Variants in DLC1 observed in about 807,000 individuals in gnomAD.
DLC1 encodes rho GTPase-activating protein 7.
DLC1 carries 54 observed loss-of-function variants against 140.3 expected under a neutral mutation model. The observed-to-expected ratio is 0.38, with a 90% CI of 0.31 to 0.48. DLC1 has a LOEUF of 0.48. Ranked by LOEUF, DLC1 falls within the 20% of genes least tolerant of loss-of-function variation. The probability of loss-of-function intolerance (pLI) is 0.96; values close to 1 mark genes in which losing one functional copy is unlikely to be tolerated. For synonymous variants in DLC1, 986 were observed against 728.1 expected, an observed-to-expected ratio of 1.35 and a Z score of -5.70; for missense variants, 2,536 against 1,907.0, an observed-to-expected ratio of 1.33 and a Z score of -6.14.
At chr8:13,153,518 T>G (rs1261822633) in intron 5 of DLC1, among the ~76,000 whole-genome samples, 3 of 152,240 alleles carry the variant, frequency 2.0e-5, no homozygotes, top group Admixed American at 2.0e-4. Flanking sequence ...TCGCCACTGC[T>G]GGCTCCAGCA....
At chr8:13,222,076 AC>A (rs1172451007) in intron 5 of DLC1, among the ~76,000 whole-genome samples, 4 of 150,512 alleles carry the variant, frequency 2.7e-5, no homozygotes, top group African/African-American at 9.8e-5. Context: ...TTCTAAGAAG[AC>A]CTCTGTATTA....
rs372254083 is a variant in DLC1 at position 13,224,764 on chromosome 8, A to G, written c.1348+80505T>C. Among the ~76,000 whole-genome samples the G allele has an allele frequency of 3.3e-5, 5 of 152,310 alleles. 1 individual carries two copies. The East Asian group carries it at 9.7e-4, about 29-fold the overall frequency. On this transcript the variant is annotated intron_variant, in intron 5 of 17. Transcript: ENST00000276297. ...GGGCTAGATATGGACAGTGTCTACA[A>G]GAGTGAGCGCCTACAGATTTTTTCT...
At chr8:13,122,869 T>C (rs1279364899) in intron 5 of DLC1, among the ~76,000 whole-genome samples, 1 of 151,908 alleles carries the variant, frequency 6.6e-6, no homozygotes, top group Non-Finnish European at 1.5e-5. Context: ...TCTTAGGCTA[T>C]CTGGCTTAAC....
chr8:13,497,742 A>T (rs1037806260), intron 2 of DLC1, among the ~76,000 whole-genome samples: 1 of 152,208 alleles, frequency 6.6e-6, no homozygotes, highest in Non-Finnish European at 1.5e-5. Flanking sequence ...TTGATAGGAT[A>T]TATGAAAGTT....
At chr8:13,107,269 G>A (rs750879038) in intron 7 of DLC1, among the ~76,000 whole-genome samples, 1 of 152,176 alleles carries the variant, frequency 6.6e-6, no homozygotes, top group Non-Finnish European at 1.5e-5. Flanking sequence ...CTTGCCCTGA[G>A]TAGAAAAAGA....
chr8:13,563,214 C>A (rs1367194108), intron 1 of DLC1, among the ~76,000 whole-genome samples: 1 of 152,100 alleles, frequency 6.6e-6, no homozygotes, highest in Non-Finnish European at 1.5e-5. Flanking sequence ...TTGTTTGGAT[C>A]CTGATTCTAA....
At chr8:13,319,303 C>G (rs527812084) in intron 4 of DLC1, among the ~76,000 whole-genome samples, 158 of 152,196 alleles carry the variant, frequency 1.0e-3, no homozygotes, top group Non-Finnish European at 1.7e-3. Context: ...CCTCCGTTCC[C>G]TGCCCCGCCC....
chr8:13,095,008 T>C, intron 11 of DLC1, 51 bp from the exon 12 acceptor site: 1 of 1,613,848 alleles, frequency 6.2e-7, no homozygotes, highest in Non-Finnish European at 8.5e-7. Flanking sequence ...GGACGCAGTG[T>C]TTACACCACA....
chr8:13,146,464 T>C, intron 5 of DLC1, among the ~76,000 whole-genome samples: 1 of 151,982 alleles, frequency 6.6e-6, no homozygotes, highest in East Asian at 1.9e-4. Flanking sequence ...ATATCTAAAT[T>C]TGTAAGTTAT....
chr8:13,145,049 A>G (rs914512516), intron 5 of DLC1, among the ~76,000 whole-genome samples: 2 of 152,356 alleles, frequency 1.3e-5, no homozygotes, highest in South Asian at 2.1e-4. Flanking sequence ...TTTATAAATT[A>G]TAAATACTTT....
At chr8:13,122,233 G>A (rs1821149036) in intron 5 of DLC1, among the ~76,000 whole-genome samples, 1 of 152,122 alleles carries the variant, frequency 6.6e-6, no homozygotes, top group East Asian at 1.9e-4. Context: ...CCTCAGCAAA[G>A]ACCACAGCCT....
intron 4 of DLC1, among the ~76,000 whole-genome samples, chr8:13,366,514 GC>G (rs2117097950): frequency 6.6e-6 from 1 of 152,284 alleles, no homozygotes; most frequent in African/African-American, 2.4e-5. Context: ...ACAAGTTAAA[GC>G]CCCACAGCAA....
chr8:13,119,940 A>T (rs985693768), intron 5 of DLC1, among the ~76,000 whole-genome samples: 3 of 151,232 alleles, frequency 2.0e-5, no homozygotes, highest in African/African-American at 4.9e-5. Flanking sequence ...TTATAAAAAA[A>T]TTTTTAAAAA....
intron 2 of DLC1, among the ~76,000 whole-genome samples, chr8:13,467,277 C>T (rs149790765): frequency 7.7e-4 from 118 of 152,262 alleles, no homozygotes; most frequent in African/African-American, 2.8e-3. Flanking sequence ...TTCACCTGCC[C>T]CGTTGGAATG....
chr8:13,344,594 G>A (rs911393467), intron 4 of DLC1, among the ~76,000 whole-genome samples: 3 of 152,174 alleles, frequency 2.0e-5, no homozygotes, highest in Non-Finnish European at 4.4e-5. Flanking sequence ...TTGGTGTTTT[G>A]CCACAAAGCA....
At chr8:13,341,569 G>C (rs1834052866) in intron 4 of DLC1, 1 of 152,176 alleles carries the variant, frequency 6.6e-6, no homozygotes, top group Non-Finnish European at 1.5e-5. Context: ...AGAATTCCCA[G>C]GTGGCCCAGA....
intron 2 of DLC1, among the ~76,000 whole-genome samples, chr8:13,413,480 C>CTG (rs911661033): frequency 5.7e-5 from 7 of 123,100 alleles, no homozygotes; most frequent in East Asian, 4.5e-4. Flanking sequence ...AATTATTTCT[C>CTG]TGTGTGTGTG....
intron 1 of DLC1, among the ~76,000 whole-genome samples, chr8:13,528,551 G>T (rs982360724): frequency 6.6e-6 from 1 of 152,052 alleles, no homozygotes; most frequent in Admixed American, 6.6e-5. Context: ...TCCTATTGCG[G>T]AATAAAATAT....
intron 4 of DLC1, chr8:13,341,066 T>G (rs28437570): frequency 0.032 from 4,837 of 152,242 alleles, 271 homozygotes; most frequent in African/African-American, 0.11. Context: ...CAGTAGGATT[T>G]GAAGGAAGGA....
Sources: gnomAD v4.1 joint callset for allele counts (sites outside exome capture counted in the v4.1 genomes callset) on GRCh38, gnomAD v4.1.1 for gene constraint, MANE v1.5 for transcripts, NCBI Gene and HGNC (gene_info 2026-07-23, HGNC 2026-07-21) for gene names.